Variants in ACYP2 observed in about 807,000 individuals in gnomAD.
ACYP2 encodes the protein acylphosphatase-2.
ACYP2 carries 12 observed loss-of-function variants against 11.2 expected under a neutral mutation model. The ratio of observed to expected loss-of-function variants is 1.08; its 90% CI spans 0.69 to 1.74. The LOEUF (loss-of-function observed/expected upper bound fraction) is 1.74, where lower values mean the gene tolerates loss of function less well. Ranked by LOEUF, ACYP2 falls within the 40% of genes most tolerant of loss-of-function variation. ACYP2 has a pLI of 0.00. For synonymous variants in ACYP2, 43 were observed against 32.2 expected (o/e 1.33, Z -1.13); for missense variants, 134 against 101.9 (o/e 1.31, Z -1.35).
chr2:53,988,884 T>C (rs2104516342), intron 2 of ACYP2, among the ~76,000 whole-genome samples: 1 of 152,234 alleles, frequency 6.6e-6, no homozygotes, highest in East Asian at 1.9e-4. Context: ...GCAGCTGGGA[T>C]TACAGGTGCG....
rs144312225 is a variant in ACYP2 at position 54,257,494 on chromosome 2, G to C, written c.405-47194G>C. On this transcript the variant is annotated intron_variant, in intron 6 of 6. Transcript: ENST00000607452. ...GAGGTGTAATCTTCTCTTGAGCCTGGAAGGAGGAAACTGGAAATATTGGCA... is the reference window on the plus strand; with the variant it reads ...GAGGTGTAATCTTCTCTTGAGCCTGCAAGGAGGAAACTGGAAATATTGGCA... Among the ~76,000 whole-genome samples the C allele has an allele frequency of 5.6e-3, 848 of 152,274 alleles. 12 individuals are homozygous for C. Among genetic ancestry groups the C allele is most frequent in the African/African-American group, 0.02 (813 of 41,546 alleles).
chr2:54,229,870 T>C (rs1032103088), intron 6 of ACYP2, among the ~76,000 whole-genome samples: 1 of 152,224 alleles, frequency 6.6e-6, no homozygotes, highest in African/African-American at 2.4e-5. Flanking sequence ...AAAATATTAG[T>C]CTGGCATTTG....
chr2:54,245,826 CTG>C (rs1179672665), intron 6 of ACYP2, among the ~76,000 whole-genome samples: 1 of 151,874 alleles, frequency 6.6e-6, no homozygotes, highest in African/African-American at 2.4e-5. Context: ...CCTTTTCACT[CTG>C]TTGTTTCTTT....
At chr2:54,255,290 G>A in intron 6 of ACYP2, 1 of 1,614,146 alleles carries the variant, frequency 6.2e-7, no homozygotes, top group Non-Finnish European at 8.5e-7. Context: ...CCTGTCCTAG[G>A]GTGTCTGAGC....
intron 4 of ACYP2, among the ~76,000 whole-genome samples, chr2:54,126,879 G>A (rs929795843): frequency 6.6e-6 from 1 of 151,804 alleles, no homozygotes; most frequent in African/African-American, 2.4e-5. Flanking sequence ...AGTTGGACCC[G>A]GGAGGTGGAG....
chr2:54,060,537 T>C (rs893136540), intron 4 of ACYP2, among the ~76,000 whole-genome samples: 4 of 152,216 alleles, frequency 2.6e-5, no homozygotes, highest in African/African-American at 9.6e-5. Flanking sequence ...TTGGAGGCTT[T>C]CCTCAAATAT....
At chr2:54,034,970 A>G (rs918025571) in intron 2 of ACYP2, among the ~76,000 whole-genome samples, 4 of 142,560 alleles carry the variant, frequency 2.8e-5, no homozygotes, top group East Asian at 2.2e-4. Context: ...AGATCATGCC[A>G]CTGCACTCCA....
At chr2:53,990,102 C>T (rs748088186) in intron 2 of ACYP2, among the ~76,000 whole-genome samples, 66 of 151,456 alleles carry the variant, frequency 4.4e-4, no homozygotes, top group Admixed American at 3.4e-3. Context: ...CCTCAGCCTC[C>T]GGAGTAGCTG....
intron 6 of ACYP2, among the ~76,000 whole-genome samples, chr2:54,181,255 C>G (rs1276398544): frequency 6.6e-6 from 1 of 152,054 alleles, no homozygotes; most frequent in Non-Finnish European, 1.5e-5. Flanking sequence ...AGGAAATAAA[C>G]AGGATGATGA....
intron 4 of ACYP2, among the ~76,000 whole-genome samples, chr2:54,081,742 G>C (rs137870398): frequency 6.6e-6 from 1 of 152,196 alleles, no homozygotes; most frequent in Non-Finnish European, 1.5e-5. Context: ...TTACATGTCT[G>C]ATGATCTGGT....
chr2:54,171,454 T>C (rs1450179483), intron 6 of ACYP2, among the ~76,000 whole-genome samples: 2 of 152,226 alleles, frequency 1.3e-5, no homozygotes, highest in Non-Finnish European at 2.9e-5. Context: ...AGCTGTGTTA[T>C]GCCAAAAAGT....
intron 2 of ACYP2, among the ~76,000 whole-genome samples, chr2:54,004,850 T>G (rs1672978267): frequency 7.7e-6 from 1 of 129,826 alleles, no homozygotes; most frequent in Non-Finnish European, 1.6e-5. Flanking sequence ...AGCCGAGATC[T>G]CACCACTGCA....
chr2:54,053,122 A>G (rs1183157059), intron 3 of ACYP2, among the ~76,000 whole-genome samples: 2 of 152,186 alleles, frequency 1.3e-5, no homozygotes, highest in Admixed American at 6.5e-5. Flanking sequence ...TTTTAACTTC[A>G]CTGTTGGCTC....
intron 4 of ACYP2, among the ~76,000 whole-genome samples, chr2:54,098,546 A>G (rs1678717853): frequency 6.6e-6 from 1 of 152,108 alleles, no homozygotes; most frequent in Non-Finnish European, 1.5e-5. Flanking sequence ...ACTTCTTTGA[A>G]CAGTTTCTGC....
intron 2 of ACYP2, among the ~76,000 whole-genome samples, chr2:54,040,173 A>C (rs971314910): frequency 6.6e-6 from 1 of 152,144 alleles, no homozygotes; most frequent in Non-Finnish European, 1.5e-5. Flanking sequence ...CTGAAGGTTA[A>C]TCAGACAGAT....
At position 54,138,295 on chromosome 2, in the gene ACYP2, T is replaced by C. The variant is rs187831900; in HGVS notation, c.295-344T>C. Among the ~76,000 whole-genome samples the C allele has an allele frequency of 1.4e-4, 22 of 152,342 alleles. No individual in the cohort carries two copies. The East Asian group carries it at 3.9e-3, about 27-fold the overall frequency. On this transcript the variant is annotated intron_variant, in intron 5 of 6. Coordinates refer to ENST00000607452, the MANE Select transcript of ACYP2 (RefSeq NM_001320586.2). ...TATGATTTGGAACCCAGGTTAACAA[T>C]GTAATTTAGTGTTAGCAGTCTTAAG...
At chr2:54,200,406 C>A (rs1684704558) in intron 6 of ACYP2, among the ~76,000 whole-genome samples, 1 of 152,164 alleles carries the variant, frequency 6.6e-6, no homozygotes. Context: ...TACCCATTGG[C>A]AGTCACTCCC....
intron 1 of ACYP2, among the ~76,000 whole-genome samples, chr2:53,971,827 A>G (rs149446275): frequency 0.012 from 1,885 of 152,346 alleles, 40 homozygotes; most frequent in African/African-American, 0.042. Context: ...CACGTATTTC[A>G]GCTGAGAGAA....
At chr2:54,042,633 T>A (rs149248826) in intron 2 of ACYP2, among the ~76,000 whole-genome samples, 1,606 of 152,286 alleles carry the variant, frequency 0.011, 16 homozygotes, top group Non-Finnish European at 0.015. Context: ...TATTAGTGTC[T>A]GGTAAATGAT....
Sources: allele counts gnomAD v4.1 joint callset (sites outside exome capture counted in the v4.1 genomes callset), GRCh38; gene constraint gnomAD v4.1.1; transcripts MANE v1.5; gene names NCBI Gene and HGNC (gene_info 2026-07-23, HGNC 2026-07-21).